AKAP13: variants seen among roughly 807,000 people sequenced by gnomAD.
The protein encoded by AKAP13 is A-kinase anchor protein 13.
In AKAP13, 80 loss-of-function variants were observed where a neutral mutation model predicts 264.5. The ratio of observed to expected loss-of-function variants is 0.30; its 90% CI spans 0.25 to 0.36. The LOEUF (loss-of-function observed/expected upper bound fraction) is 0.36. AKAP13 is among the 10% of genes least tolerant of loss of function. AKAP13 has a pLI of 1.00. For synonymous variants in AKAP13, 1,380 were observed against 1,250.2 expected, an observed-to-expected ratio of 1.10 and a Z score of -2.19; for missense variants, 3,712 against 3,435.2, an observed-to-expected ratio of 1.08 and a Z score of -2.01.
chr15:85,718,198 C>T lies in AKAP13; in HGVS notation c.6001+39C>T, dbSNP rs2087062195. 5 of 1,593,844 alleles carry T rather than the reference C, an allele frequency of 3.1e-6. No homozygotes were observed. Among genetic ancestry groups the T allele is most frequent in the Non-Finnish European group, 4.3e-6 (5 of 1,166,306 alleles). Reference sequence around the variant, plus strand: ...TTTTGCTCTGATTATATTTGATTTCCATTGTCCAGCATTTTTAAGCAGTAA... The same window carrying T: ...TTTTGCTCTGATTATATTTGATTTCTATTGTCCAGCATTTTTAAGCAGTAA... On this transcript the variant is annotated intron_variant, in intron 22 of 36. Coordinates refer to ENST00000394518, the MANE Select transcript of AKAP13 (RefSeq NM_007200.5). The surrounding 1 kb of genome is among the most constrained non-coding windows in gnomAD (Gnocchi z 4.9).
chr15:85,517,684 T>G (rs2076657867), intron 2 of AKAP13, among the ~76,000 whole-genome samples: 1 of 152,154 alleles, frequency 6.6e-6, no homozygotes, highest in Non-Finnish European at 1.5e-5. Flanking sequence ...CTGTTTTTAT[T>G]TGCAAATAAG....
chr15:85,662,462 T>G, intron 12 of AKAP13: 1 of 1,614,156 alleles, frequency 6.2e-7, no homozygotes. Flanking sequence ...AGGTATGATA[T>G]TGTTATGTGT....
At chr15:85,665,548 C>G (rs889798160) in intron 13 of AKAP13, among the ~76,000 whole-genome samples, 10 of 152,154 alleles carry the variant, frequency 6.6e-5, no homozygotes, top group African/African-American at 1.9e-4. Flanking sequence ...TATTTTTACA[C>G]TTTAAGTTCT....
intron 2 of AKAP13, among the ~76,000 whole-genome samples, chr15:85,509,276 C>T (rs1282619379): frequency 6.6e-6 from 1 of 152,122 alleles, no homozygotes; most frequent in Admixed American, 6.5e-5. Context: ...CCATGTGTGG[C>T]GGCTGATACC....
chr15:85,712,586 C>T (rs955316232), intron 19 of AKAP13, among the ~76,000 whole-genome samples: 2 of 151,966 alleles, frequency 1.3e-5, no homozygotes, highest in Admixed American at 6.6e-5. Flanking sequence ...CTCTGTCACC[C>T]AGGCTGGAGT....
intron 8 of AKAP13, among the ~76,000 whole-genome samples, chr15:85,616,194 C>T (rs2080928857): frequency 1.3e-5 from 2 of 152,168 alleles, no homozygotes; most frequent in African/African-American, 2.4e-5. Flanking sequence ...TCAGCATCCC[C>T]CACTAGGTGG....
chr15:85,721,768 T>C (rs1010045983), intron 23 of AKAP13, among the ~76,000 whole-genome samples: 1 of 152,260 alleles, frequency 6.6e-6, no homozygotes, highest in African/African-American at 2.4e-5. Flanking sequence ...GTATAACAGC[T>C]TTATTGAGAT....
chr15:85,576,631 A>G (rs1310109034), intron 6 of AKAP13, among the ~76,000 whole-genome samples: 1 of 152,244 alleles, frequency 6.6e-6, no homozygotes, highest in Non-Finnish European at 1.5e-5. Context: ...AGGTCAGCTC[A>G]ATGCCAGAGG....
At chr15:85,531,113 G>A (rs982342360) in intron 3 of AKAP13, among the ~76,000 whole-genome samples, 4 of 152,068 alleles carry the variant, frequency 2.6e-5, no homozygotes, top group Non-Finnish European at 4.4e-5. Flanking sequence ...TGCCTGCCTC[G>A]GCCTCCCAAA....
chr15:85,691,378 C>A (rs188415898), intron 16 of AKAP13, among the ~76,000 whole-genome samples: 3 of 152,320 alleles, frequency 2.0e-5, no homozygotes, highest in Admixed American at 2.0e-4. Context: ...TCCTGGCCTC[C>A]TAAGGATGGT....
In AKAP13 at chr15:85,740,297, T is replaced by C. The variant is rs1487594944; in HGVS notation, c.7608+25T>C. 2.5e-6 allele frequency: 4 copies of C among 1,612,956 alleles called. No individual in the cohort carries two copies. In the African/African-American group the frequency reaches 5.3e-5, roughly 22 times the overall value. Reference sequence around the variant, plus strand: ...GGTGCGTGCCTTCATCTTCCATCCCTGCGTTTATTTGTCTAGAGAACAGCA... The same window carrying C: ...GGTGCGTGCCTTCATCTTCCATCCCCGCGTTTATTTGTCTAGAGAACAGCA... On this transcript the variant is annotated intron_variant, in intron 34 of 36. Coordinates refer to ENST00000394518, the MANE Select transcript of AKAP13 (RefSeq NM_007200.5).
At chr15:85,572,394 T>C (rs910363286) in intron 5 of AKAP13, among the ~76,000 whole-genome samples, 1 of 152,220 alleles carries the variant, frequency 6.6e-6, no homozygotes, top group Non-Finnish European at 1.5e-5. Flanking sequence ...TCCCCGCTAT[T>C]TGACTTCTTG....
chr15:85,728,054 G>C (rs1364852490), intron 29 of AKAP13, among the ~76,000 whole-genome samples: 1 of 152,136 alleles, frequency 6.6e-6, no homozygotes, highest in Non-Finnish European at 1.5e-5. Flanking sequence ...GGCCCACAGA[G>C]GACAAGCTAC....
At chr15:85,650,528 G>C (rs948351576) in intron 10 of AKAP13, among the ~76,000 whole-genome samples, 1 of 151,766 alleles carries the variant, frequency 6.6e-6, no homozygotes, top group Non-Finnish European at 1.5e-5. Context: ...GGCCGAGGCA[G>C]GCGGATCACT....
intron 5 of AKAP13, among the ~76,000 whole-genome samples, chr15:85,554,605 T>A (rs1171040554): frequency 6.6e-6 from 1 of 152,092 alleles, no homozygotes; most frequent in East Asian, 1.9e-4. Context: ...TTTTTAAGTC[T>A]AATACTCAGA....
chr15:85,415,095 A>T (rs529204087), intron 1 of AKAP13: 2 of 617,792 alleles, frequency 3.2e-6, no homozygotes, highest in Non-Finnish European at 5.6e-6. Flanking sequence ...GAAAATTCAT[A>T]ATTTTTCTAT....
chr15:85,386,897 A>G (rs991813633), intron 1 of AKAP13, among the ~76,000 whole-genome samples: 2 of 152,008 alleles, frequency 1.3e-5, no homozygotes, highest in Non-Finnish European at 2.9e-5. Flanking sequence ...AAGTTTTAAA[A>G]TCAGGTAGTG....
chr15:85,415,138 G>A, intron 1 of AKAP13: 1 of 765,874 alleles, frequency 1.3e-6, no homozygotes, highest in Non-Finnish European at 2.2e-6. Flanking sequence ...GTTTCAGAGG[G>A]AAATACCTTT....
rs1002133821 is a variant in AKAP13 at position 85,718,587 on chromosome 15, C to T, written c.6001+428C>T. Among the ~76,000 whole-genome samples, 3 of 152,080 alleles carry T rather than the reference C, an allele frequency of 2.0e-5. No homozygotes were observed. The highest frequency in any genetic ancestry group is 1.9e-4 in the East Asian group (1 of 5,180). ...GTACCTATTATCAGAAAATAGGACACGTGAAAAATAGAGGAATAAGACGAA... is the reference window on the plus strand; with the variant it reads ...GTACCTATTATCAGAAAATAGGACATGTGAAAAATAGAGGAATAAGACGAA... On this transcript the variant is annotated intron_variant, in intron 22 of 36. Coordinates refer to ENST00000394518, the MANE Select transcript of AKAP13 (RefSeq NM_007200.5). This position sits in a 1 kb window ranked among gnomAD's most constrained non-coding sequence, Gnocchi z 4.9.
Sources: allele counts gnomAD v4.1 joint callset (sites outside exome capture counted in the v4.1 genomes callset), GRCh38; gene constraint gnomAD v4.1.1; non-coding constraint Gnocchi (gnomAD v3.1); transcripts MANE v1.5; gene names NCBI Gene and HGNC (gene_info 2026-07-23, HGNC 2026-07-21).